Variants in UBR3 observed in about 807,000 individuals in gnomAD.
UBR3 encodes the protein E3 ubiquitin-protein ligase UBR3.
UBR3 carries 85 observed loss-of-function variants against 243.2 expected under a neutral mutation model. The ratio of observed to expected loss-of-function variants is 0.35; its 90% confidence interval spans 0.29 to 0.42. The LOEUF (loss-of-function observed/expected upper bound fraction) is 0.42. UBR3 is among the 10% of genes least tolerant of loss of function. UBR3 has a pLI of 1.00. For synonymous variants in UBR3, 748 were observed against 799.8 expected, an observed-to-expected ratio of 0.94 and a Z score of 1.09; for missense variants, 1,686 against 2,300.8, an observed-to-expected ratio of 0.73 and a Z score of 5.47.
chr2:169,827,884 C>A lies in UBR3; in HGVS notation c.377C>A (p.Ala126Asp). 2 of 1,518,078 alleles carry A rather than the reference C, an allele frequency of 1.3e-6. No homozygotes were observed. The highest frequency in any genetic ancestry group is 1.8e-6 in the Non-Finnish European group (2 of 1,136,438). 94.0% of individuals were successfully genotyped at this position (1,518,078 alleles called of 1,614,324 possible). A position where few individuals can be genotyped will look rare whatever the true frequency, so the allele number is the denominator to read the frequency against. The part of the protein sequence containing the change: ...PAALCGLVWT[A>D]NFVAYRCRTC... ...GCGCTCTGCGGCCTGGTCTGGACAG[C>A]CAACTTCGTGGCCTACCGCTGCCGG... The change falls in exon 1 of 39, where the codon GCC (alanine) becomes GAC (aspartate). Residue 126 changes from alanine (A) to aspartate (D), a missense_variant. Physicochemically the swap from Ala to Asp is moderately radical, Grantham distance 126. Transcript: ENST00000272793.
In UBR3 at chr2:170,082,417, C is replaced by G. The variant is rs368745155; in HGVS notation, c.*574C>G. 6.6e-6 allele frequency: 1 copy of G among 152,392 alleles called. No homozygotes were observed. The highest frequency in any genetic ancestry group is 1.5e-5 in the Non-Finnish European group (1 of 67,994). The allele number at this position is 152,392 out of a possible 1,614,324, so 9.4% of individuals were successfully genotyped here. On this transcript the variant is annotated 3_prime_UTR_variant, in exon 39 of 39. Coordinates refer to ENST00000272793, the MANE Select transcript of UBR3 (RefSeq NM_172070.4). ...TGAGGAATCTGTTAAAAGTTTAAAG[C>G]TTTGCTGAAAACTGAATTCATTCTC... is the stretch of plus-strand genomic sequence containing the variant.
In UBR3 at chr2:170,000,534, T is replaced by G. The variant is rs569273889; in HGVS notation, c.3919-770T>G. On this transcript the variant is annotated intron_variant, in intron 26 of 38. Coordinates refer to ENST00000272793, the MANE Select transcript of UBR3 (RefSeq NM_172070.4). Reference sequence around the variant, plus strand: ...TAGAATGACTCTTGGCTTTCTGACTTGGTGACTAAATAGATTGTGGAGTTA... The same window carrying G: ...TAGAATGACTCTTGGCTTTCTGACTGGGTGACTAAATAGATTGTGGAGTTA... 3.3e-5 allele frequency among the ~76,000 whole-genome samples: 5 copies of G among 152,356 alleles called. No individual in the cohort carries two copies. The East Asian group carries it at 9.6e-4, about 29-fold the overall frequency.
chr2:169,856,461 C>T (rs985961224), intron 1 of UBR3, among the ~76,000 whole-genome samples: 1 of 152,180 alleles, frequency 6.6e-6, no homozygotes, highest in Non-Finnish European at 1.5e-5. Flanking sequence ...AATCTCTGCA[C>T]TTTGGGAGGC....
At chr2:169,869,331 C>T (rs1044820606) in intron 1 of UBR3, among the ~76,000 whole-genome samples, 4 of 149,782 alleles carry the variant, frequency 2.7e-5, no homozygotes, top group Admixed American at 6.7e-5. Flanking sequence ...AAGTGATTCT[C>T]CTGCCTCAGA....
At chr2:169,879,423 T>C (rs1366991868) in intron 5 of UBR3, among the ~76,000 whole-genome samples, 1 of 152,170 alleles carries the variant, frequency 6.6e-6, no homozygotes, top group Non-Finnish European at 1.5e-5. Context: ...CTAAAAAGGC[T>C]TTCACACAAT....
chr2:170,073,783 G>C (rs201665644), intron 36 of UBR3, among the ~76,000 whole-genome samples, 176 bp downstream of exon 36: 2 of 152,232 alleles, frequency 1.3e-5, no homozygotes, highest in East Asian at 3.9e-4. Context: ...AAATATTTCA[G>C]CTAACAAAGG....
At chr2:169,848,460 C>T (rs2082557244) in intron 1 of UBR3, among the ~76,000 whole-genome samples, 2 of 150,930 alleles carry the variant, frequency 1.3e-5, no homozygotes, top group South Asian at 4.2e-4. Context: ...TAATTACGCA[C>T]ATATTTACAG....
At chr2:170,077,052 C>T (rs976301661) in intron 36 of UBR3, among the ~76,000 whole-genome samples, 7 of 152,188 alleles carry the variant, frequency 4.6e-5, no homozygotes, top group African/African-American at 1.7e-4. Context: ...TCCGGAATAG[C>T]AGTGAAGCAG....
chr2:169,929,006 G>A, intron 18 of UBR3, 138 bp downstream of exon 18: 2 of 706,716 alleles, frequency 2.8e-6, no homozygotes, highest in South Asian at 5.5e-5. Context: ...ATAAATGTAT[G>A]TCTTTATTGG....
chr2:169,890,540 G>GATAGATAGATAT (rs1256571755), intron 5 of UBR3, among the ~76,000 whole-genome samples: 1 of 76,020 alleles, frequency 1.3e-5, no homozygotes, highest in African/African-American at 6.4e-5. Context: ...GAGAGAGAGA[G>GATAGATAGATAT]ATATATATAT....
Position 169,834,208 on chromosome 2 carries a change from T to C in UBR3, c.545+6156T>C, listed in dbSNP as rs1450493337. 1.1e-4 allele frequency among the ~76,000 whole-genome samples: 16 copies of C among 152,240 alleles called. No individual in the cohort carries two copies. In the East Asian group the frequency reaches 2.9e-3, roughly 27 times the overall value. On this transcript the variant is annotated intron_variant, in intron 1 of 38. Transcript: ENST00000272793. ...GTAGCTTGCTTTTTTCCCCTTAACA[T>C]ATTTATGGATACTATCTCAAAAGTA...
At chr2:169,899,589 A>G (rs2084732547) in intron 8 of UBR3, among the ~76,000 whole-genome samples, 1 of 152,086 alleles carries the variant, frequency 6.6e-6, no homozygotes, top group Non-Finnish European at 1.5e-5. Flanking sequence ...TACATGTGCC[A>G]TGGTGGTTTG....
chr2:169,946,192 C>CT, intron 20 of UBR3, 96 bp from the exon 21 acceptor site: 3 of 644,074 alleles, frequency 4.7e-6, no homozygotes, highest in Non-Finnish European at 7.5e-6. Context: ...TATTAAAGTA[C>CT]TTTTCGTCTA....
intron 32 of UBR3, among the ~76,000 whole-genome samples, chr2:170,051,729 A>G (rs2091222396): frequency 6.6e-6 from 1 of 152,230 alleles, no homozygotes; most frequent in African/African-American, 2.4e-5. Context: ...TCTACACAAT[A>G]TAAATGACTT....
chr2:169,854,599 A>G (rs1236900882), intron 1 of UBR3, among the ~76,000 whole-genome samples: 2 of 152,176 alleles, frequency 1.3e-5, no homozygotes, highest in African/African-American at 4.8e-5. Flanking sequence ...ATAAACTTAC[A>G]TACACAGGAG....
chr2:170,021,145 T>G (rs2090379743), intron 30 of UBR3, among the ~76,000 whole-genome samples: 1 of 152,178 alleles, frequency 6.6e-6, no homozygotes, highest in Admixed American at 6.6e-5. Flanking sequence ...AATTCAATTT[T>G]ATAATATATA....
rs1299202314 is a variant in UBR3, at chr2:169,868,795, A to C, written c.546-3441A>C. Among the ~76,000 whole-genome samples, 3 of 152,328 alleles carry C rather than the reference A, an allele frequency of 2.0e-5. No individual in the cohort carries two copies. In the East Asian group the frequency reaches 5.8e-4, roughly 29 times the overall value. ...TTATAATCAGATTCCCTCGGAAAGG[A>C]ATTTCCTTTTTGAAAGACTAAAATA... is the stretch of plus-strand genomic sequence containing the variant. On this transcript the variant is annotated intron_variant, in intron 1 of 38. Coordinates refer to ENST00000272793, the MANE Select transcript of UBR3 (RefSeq NM_172070.4).
intron 31 of UBR3, among the ~76,000 whole-genome samples, chr2:170,039,636 T>C (rs934693602): frequency 2.0e-5 from 3 of 152,168 alleles, no homozygotes; most frequent in African/African-American, 7.2e-5. Flanking sequence ...AAATATTTGC[T>C]GAATGATCGA....
chr2:169,872,061 G>A (rs369429990), intron 1 of UBR3, among the ~76,000 whole-genome samples, 175 bp from the exon 2 acceptor site: 14 of 152,128 alleles, frequency 9.2e-5, no homozygotes, highest in African/African-American at 3.1e-4. Context: ...ATATACCTGA[G>A]TGCCATTTTT....
Sources: gnomAD v4.1 joint callset for allele counts (sites outside exome capture counted in the v4.1 genomes callset) on GRCh38, gnomAD v4.1.1 for gene constraint, MANE v1.5 for transcripts, NCBI Gene and HGNC (gene_info 2026-07-23, HGNC 2026-07-21) for gene names.